The following FMO1 variants were observed in gnomAD, a reference collection of about 807,000 sequenced individuals.
FMO1 encodes the protein flavin containing dimethylaniline monoxygenase 1.
Under a neutral mutation model 45.4 loss-of-function variants are expected in FMO1, and 36 were observed. The observed-to-expected ratio is 0.79, with a 90% CI of 0.61 to 1.05. The LOEUF (loss-of-function observed/expected upper bound fraction) is 1.05, where lower values mean the gene tolerates loss of function less well. Among genes scored for constraint, FMO1 ranks in the 50% least tolerant of loss-of-function variants. The pLI is 0.00. For synonymous variants in FMO1, 228 were observed against 227.2 expected (o/e 1.00, Z -0.03); for missense variants, 615 against 640.3 (o/e 0.96, Z 0.43).
At chr1:171,279,043 C>T (rs1661243414) in intron 5 of FMO1, among the ~76,000 whole-genome samples, 172 bp downstream of exon 5, 1 of 151,618 alleles carries the variant, frequency 6.6e-6, no homozygotes, top group South Asian at 2.1e-4. Context: ...CTATGAATTG[C>T]AGTTGTCATC....
chr1:171,249,701 G>A (rs370814133), intron 1 of FMO1, among the ~76,000 whole-genome samples: 2 of 150,352 alleles, frequency 1.3e-5, no homozygotes, highest in Non-Finnish European at 3.0e-5. Context: ...GTGTGTGTGT[G>A]TATGTGTGTG....
At chr1:171,269,616 A>T (rs1660766198) in intron 3 of FMO1, among the ~76,000 whole-genome samples, 1 of 152,212 alleles carries the variant, frequency 6.6e-6, no homozygotes, top group Non-Finnish European at 1.5e-5. Flanking sequence ...TTACAATAAC[A>T]CTATTTTAAA....
rs145849541 is a variant in FMO1 at position 171,278,760 on chromosome 1, T to C, written c.516T>C (p.His172=). The C allele has an allele frequency of 8.7e-4, 1,397 of 1,610,818 alleles. 23 individuals carry two copies. In the South Asian group the frequency reaches 0.014, roughly 16 times the overall value. Residue 172 remains histidine, a synonymous_variant, in exon 5 of 9, where the codon CAT becomes CAC. Transcript: ENST00000617670. Reference sequence around the variant, plus strand: ...ATGCCTTTAAAGGCCAGTACTTTCATAGCCGGCAATATAAGCATCCAGATA... The same window carrying C: ...ATGCCTTTAAAGGCCAGTACTTTCACAGCCGGCAATATAAGCATCCAGATA... The part of the protein sequence containing the change: ...GINAFKGQYF[H]SRQYKHPDIF...
In FMO1 at chr1:171,285,356, T is replaced by A; in HGVS notation, c.1411T>A (p.Tyr471Asn). The A allele has an allele frequency of 6.2e-7, 1 of 1,613,972 alleles. No homozygotes were observed. Residue 471 changes from tyrosine to asparagine, a missense_variant, in exon 9 of 9, where the codon TAC becomes AAC. Transcript: ENST00000617670. ...CGTCTTCTTTGGCCCATGCTCACCA[T>A]ACCAGTTCCGCTTGACTGGCCCAGG... ...LTVFFGPCSP[Y>N]QFRLTGPGKW...
intron 2 of FMO1, among the ~76,000 whole-genome samples, chr1:171,266,353 T>C (rs1660619167): frequency 6.6e-6 from 1 of 152,214 alleles, no homozygotes; most frequent in South Asian, 2.1e-4. Flanking sequence ...AACAAACCAT[T>C]CATATCAGTA....
At chr1:171,273,719 G>T (rs1025071223) in intron 3 of FMO1, among the ~76,000 whole-genome samples, 4 of 152,076 alleles carry the variant, frequency 2.6e-5, no homozygotes, top group Admixed American at 1.3e-4. Flanking sequence ...GTCTCACTAT[G>T]CCGCCCAGGG....
In FMO1 at chr1:171,283,567, C is replaced by T. The variant is rs1424558007; in HGVS notation, c.1256+351C>T. ...TATTCCATATCTTATCCATAATCAA[C>T]AGGCAAGCAGTTGTACCTATTTACT... On this transcript the variant is annotated intron_variant, in intron 8 of 8. Coordinates refer to ENST00000617670, the MANE Select transcript of FMO1 (RefSeq NM_001282693.2). Among the ~76,000 whole-genome samples the T allele has an allele frequency of 3.3e-5, 5 of 152,134 alleles. No homozygotes were observed. In the South Asian group the frequency reaches 1.0e-3, roughly 31 times the overall value.
chr1:171,280,751 G>A (rs895268374), intron 5 of FMO1, 35 bp from the exon 6 acceptor site: 12 of 1,576,332 alleles, frequency 7.6e-6, no homozygotes, highest in Non-Finnish European at 1.0e-5. Flanking sequence ...CGTGTTCACA[G>A]TGTCAAATGA....
intron 1 of FMO1, among the ~76,000 whole-genome samples, chr1:171,252,532 G>A (rs1167105100): frequency 1.3e-5 from 2 of 152,232 alleles, no homozygotes; most frequent in African/African-American, 4.8e-5. Context: ...CACCTGGCCT[G>A]TTCTGTCCCT....
rs372646652 is a variant in FMO1 at position 171,285,191 on chromosome 1, C to G, written c.1257-11C>G. The stretch of plus-strand genomic sequence containing the variant: ...GTCTTCACCTTTTCCCCCAATCTTC[C>G]TTTTATAAAGGTTTGGCTTGTGCTA... On this transcript the variant is annotated splice_polypyrimidine_tract_variant and intron_variant, in intron 8 of 8. Transcript: ENST00000617670. 2.6e-6 allele frequency: 4 copies of G among 1,521,902 alleles called. No homozygotes were observed. The African/African-American group carries it at 5.6e-5, about 21-fold the overall frequency. 94.3% of individuals were successfully genotyped at this position (1,521,902 alleles called of 1,614,324 possible). A position where few individuals can be genotyped will look rare whatever the true frequency, so the allele number is the denominator to read the frequency against.
rs752072022 is a variant in FMO1 at position 171,283,181 on chromosome 1, G to A, written c.1221G>A (p.Glu407=). 2.0e-6 allele frequency: 3 copies of A among 1,513,484 alleles called. No homozygotes were observed. Among genetic ancestry groups the A allele is most frequent in the African/African-American group, 2.9e-5 (2 of 69,178 alleles). The allele number at this position is 1,513,484 out of a possible 1,614,324, so 93.8% of individuals were successfully genotyped here. A position where few individuals can be genotyped will look rare whatever the true frequency, so the allele number is the denominator to read the frequency against. ...TACCACCACCAAGTGTCATGATAGA[G>A]GAAATTAATGCAAGGAAAGAAAACA... ...NKLPPPSVMI[E]EINARKENKP... is the part of the protein sequence containing the mutation. Residue 407 remains glutamate, a synonymous_variant, in exon 8 of 9, where the codon GAG becomes GAA. Coordinates refer to ENST00000617670, the MANE Select transcript of FMO1 (RefSeq NM_001282693.2).
At chr1:171,249,924 C>A (rs752753191) in intron 1 of FMO1, among the ~76,000 whole-genome samples, 1 of 152,034 alleles carries the variant, frequency 6.6e-6, no homozygotes, top group African/African-American at 2.4e-5. Flanking sequence ...ATAAAATCTC[C>A]GGGTCAATAA....
At chr1:171,256,051 A>C (rs1259019858) in intron 1 of FMO1, among the ~76,000 whole-genome samples, 1 of 152,162 alleles carries the variant, frequency 6.6e-6, no homozygotes, top group Admixed American at 6.5e-5. Flanking sequence ...AGGCAGGCTG[A>C]TCACGAGGTT....
At chr1:171,249,704 T>G (rs1055409523) in intron 1 of FMO1, among the ~76,000 whole-genome samples, 3 of 151,746 alleles carry the variant, frequency 2.0e-5, no homozygotes, top group African/African-American at 7.3e-5. Flanking sequence ...TGTGTGTGTA[T>G]GTGTGTGTGT....
intron 1 of FMO1, among the ~76,000 whole-genome samples, chr1:171,257,094 A>C (rs1315386869): frequency 2.6e-5 from 4 of 152,230 alleles, no homozygotes; most frequent in African/African-American, 9.6e-5. Flanking sequence ...GACGCCTTAC[A>C]TTATTAACTC....
intron 8 of FMO1, 46 bp from the exon 9 acceptor site, chr1:171,285,156 C>T: frequency 7.9e-7 from 1 of 1,263,236 alleles, no homozygotes; most frequent in Non-Finnish European, 1.1e-6. Flanking sequence ...CTAAGATTAT[C>T]AGTTTTTTTG....
rs1660825198 is a variant in FMO1, at chr1:171,270,811, C to T, written c.321+3080C>T. 30 of 774,290 alleles carry T rather than the reference C, an allele frequency of 3.9e-5. No homozygotes were observed. The South Asian group carries it at 4.8e-4, about 12-fold the overall frequency. The allele number at this position is 774,290 out of a possible 1,614,324, so 48.0% of individuals were successfully genotyped here. ...AAAGACACATTCGGTAGTGTGTTAA[C>T]TTTATAAAAAAAGACACTGTACAGT... is the stretch of plus-strand genomic sequence containing the variant. On this transcript the variant is annotated intron_variant, in intron 3 of 8. Coordinates refer to ENST00000617670, the MANE Select transcript of FMO1 (RefSeq NM_001282693.2).
intron 3 of FMO1, among the ~76,000 whole-genome samples, chr1:171,269,618 TA>T (rs1365226329): frequency 6.6e-6 from 1 of 152,214 alleles, no homozygotes; most frequent in African/African-American, 2.4e-5. Context: ...ACAATAACAC[TA>T]TTTTAAAATA....
At position 171,278,726 on chromosome 1, in the gene FMO1, T is replaced by C. The variant is rs1289134075; in HGVS notation, c.485-3T>C. The C allele has an allele frequency of 2.6e-6, 4 of 1,566,550 alleles. No individual in the cohort carries two copies. Among genetic ancestry groups the C allele is most frequent in the Non-Finnish European group, 3.5e-6 (4 of 1,150,316 alleles). ...TGTGTGACTTCTCTTTTATTTTCTA[T>C]AGGTATTAATGCCTTTAAAGGCCAG... On this transcript the variant is annotated splice_region_variant and splice_polypyrimidine_tract_variant and intron_variant, in intron 4 of 8. Coordinates refer to ENST00000617670, the MANE Select transcript of FMO1 (RefSeq NM_001282693.2).
Sources: allele counts gnomAD v4.1 joint callset (sites outside exome capture counted in the v4.1 genomes callset), GRCh38; gene constraint gnomAD v4.1.1; transcripts MANE v1.5; gene names NCBI Gene and HGNC (gene_info 2026-07-23, HGNC 2026-07-21).